ZSWIM3: variants seen among roughly 807,000 people sequenced by gnomAD.
ZSWIM3 encodes zinc finger SWIM-type containing 3.
Under a neutral mutation model 47.5 loss-of-function variants are expected in ZSWIM3, and 27 were observed. The ratio of observed to expected loss-of-function variants is 0.57; its 90% CI spans 0.42 to 0.78. The LOEUF (loss-of-function observed/expected upper bound fraction) is 0.78. ZSWIM3 is among the 30% of genes least tolerant of loss of function. The pLI, the probability that ZSWIM3 is intolerant of heterozygous loss-of-function variation, is 0.00. For synonymous variants in ZSWIM3, 333 were observed against 333.9 expected (o/e 1.00, Z 0.03); for missense variants, 689 against 861.3 (o/e 0.80, Z 2.50).
In ZSWIM3 at chr20:45,877,288, C is replaced by T. The variant is rs1289668611; in HGVS notation, c.730C>T (p.Arg244Ter). 4 of 1,614,002 alleles carry T rather than the reference C, an allele frequency of 2.5e-6. No homozygotes were observed. Among genetic ancestry groups the T allele is most frequent in the African/African-American group, 1.3e-5 (1 of 74,906 alleles). ...TGCTTTCTTGGTGGAGAACAAGGAACGAGAAAGTCGAGTGGTGCACTTTGC... is the reference window on the plus strand; with the variant it reads ...TGCTTTCTTGGTGGAGAACAAGGAATGAGAAAGTCGAGTGGTGCACTTTGC... The part of the protein sequence containing the change: ...LYAFLVENKE[R>*]ESRVVHFAVL... The change falls in exon 2 of 2, where the codon CGA becomes TGA. Residue 244 changes from arginine to a stop codon, truncating the protein, a stop_gained. Coordinates refer to ENST00000255152, the MANE Select transcript of ZSWIM3 (RefSeq NM_080752.4). LOFTEE classifies it high-confidence loss of function.
intron 1 of ZSWIM3, among the ~76,000 whole-genome samples, chr20:45,873,927 T>C (rs757148956): frequency 3.3e-5 from 5 of 152,090 alleles, no homozygotes; most frequent in South Asian, 2.1e-4. Flanking sequence ...TTGAAACTGG[T>C]TGAATAGAGA....
chr20:45,857,944 A>T lies in ZSWIM3; in HGVS notation c.119A>T (p.Asn40Ile), dbSNP rs753596864. The change falls in exon 1 of 2, where the codon AAC (asparagine) becomes ATC (isoleucine). Residue 40 changes from asparagine to isoleucine, a missense_variant. Physicochemically the swap from Asn to Ile is moderately radical, Grantham distance 149. Transcript: ENST00000255152. ...GACTGCGTCTCCGTCCGCTTCCACA[A>T]CCTCAACCATGGCACCTCCATCCGC... is the stretch of plus-strand genomic sequence containing the variant. ...LRDCVSVRFH[N>I]LNHGTSIRED... 9.6e-6 allele frequency: 13 copies of T among 1,347,478 alleles called. No homozygotes were observed. Among genetic ancestry groups the T allele is most frequent in the African/African-American group, 1.8e-5 (1 of 56,968 alleles). The allele number at this position is 1,347,478 out of a possible 1,614,324, so 83.5% of individuals were successfully genotyped here.
Position 45,878,559 on chromosome 20 carries a change from C to T in ZSWIM3, c.2001C>T (p.Asp667=), listed in dbSNP as rs375272202. ...QPSELFQQPG[D]FKDVGRLPFL... is the part of the protein sequence containing the mutation. ...CTGAGCTCTTTCAGCAGCCAGGAGA[C>T]TTTAAGGACGTGGGCCGCCTCCCTT... The change falls in exon 2 of 2, where the codon GAC becomes GAT. Residue 667 remains aspartate, a synonymous_variant. Transcript: ENST00000255152. The T allele has an allele frequency of 1.2e-6, 2 of 1,614,072 alleles. No individual in the cohort carries two copies. The highest frequency in any genetic ancestry group is 2.7e-5 in the African/African-American group (2 of 74,936).
At chr20:45,871,232 C>A (rs1476462720) in intron 1 of ZSWIM3, among the ~76,000 whole-genome samples, 1 of 152,180 alleles carries the variant, frequency 6.6e-6, no homozygotes, top group Non-Finnish European at 1.5e-5. Context: ...TTTATACTTT[C>A]CTGAATCTCC....
At chr20:45,863,397 A>C (rs1985758373) in intron 1 of ZSWIM3, among the ~76,000 whole-genome samples, 1 of 152,180 alleles carries the variant, frequency 6.6e-6, no homozygotes, top group Admixed American at 6.5e-5. Context: ...GGTGATGGTG[A>C]CACTTATTCT....
chr20:45,870,322 AG>A (rs1568747398), intron 1 of ZSWIM3, among the ~76,000 whole-genome samples: 4 of 147,896 alleles, frequency 2.7e-5, no homozygotes, highest in Non-Finnish European at 6.0e-5. Flanking sequence ...CCTGGGTGAC[AG>A]AGGGAGACTC....
At position 45,878,897 on chromosome 20, in the gene ZSWIM3, G is replaced by A. The variant is rs4812973; in HGVS notation, c.*248G>A. The stretch of plus-strand genomic sequence containing the variant: ...TGTTCAAGGCCAAAGTTATCTCCGT[G>A]CTGCAAGGTCACCCTCTTCCTCCCC... On this transcript the variant is annotated 3_prime_UTR_variant, in exon 2 of 2. Transcript: ENST00000255152. 25,374 of 465,588 alleles carry A rather than the reference G, an allele frequency of 0.054. 929 individuals are homozygous for A. Among genetic ancestry groups the A allele is most frequent in the South Asian group, 0.12 (3,918 of 31,426 alleles). The allele number at this position is 465,588 out of a possible 1,614,324, so 28.8% of individuals were successfully genotyped here. A position where few individuals can be genotyped will look rare whatever the true frequency, so the allele number is the denominator to read the frequency against.
intron 1 of ZSWIM3, among the ~76,000 whole-genome samples, chr20:45,864,601 G>A (rs1004344631): frequency 1.3e-5 from 2 of 152,196 alleles, no homozygotes; most frequent in Non-Finnish European, 2.9e-5. Flanking sequence ...TGTTGCTCAC[G>A]CCTATAATCC....
chr20:45,866,652 A>G (rs77124723), intron 1 of ZSWIM3, among the ~76,000 whole-genome samples: 2,122 of 152,130 alleles, frequency 0.014, 37 homozygotes, highest in African/African-American at 0.048. Context: ...CAAAAAATAA[A>G]TTAACTGGTC....
intron 1 of ZSWIM3, among the ~76,000 whole-genome samples, chr20:45,862,200 T>C (rs1271011312): frequency 6.7e-6 from 1 of 149,472 alleles, no homozygotes; most frequent in Non-Finnish European, 1.5e-5. Context: ...CAGGCTGGAG[T>C]GCAGTGGCGC....
intron 1 of ZSWIM3, among the ~76,000 whole-genome samples, chr20:45,862,842 C>T (rs965572585): frequency 6.6e-6 from 1 of 152,092 alleles, no homozygotes; most frequent in African/African-American, 2.4e-5. Context: ...CACTATGTTG[C>T]CCAAACTGAT....
Position 45,878,456 on chromosome 20 carries a change from C to A in ZSWIM3, c.1898C>A (p.Thr633Asn). Reference protein sequence around the residue: ...SRELANLLMQTEGPELEERYS... With the variant: ...SRELANLLMQNEGPELEERYS... Reference sequence around the variant, plus strand: ...GAGTTAGCAAACCTGCTCATGCAGACCGAGGGGCCAGAGCTGGAGGAACGC... The same window carrying A: ...GAGTTAGCAAACCTGCTCATGCAGAACGAGGGGCCAGAGCTGGAGGAACGC... The change falls in exon 2 of 2, where the codon ACC becomes AAC. Residue 633 changes from threonine to asparagine, a missense_variant. Thr to Asn is a moderately conservative substitution (Grantham distance 65). Coordinates refer to ENST00000255152, the MANE Select transcript of ZSWIM3 (RefSeq NM_080752.4). 1 of 1,614,196 alleles carries A rather than the reference C, an allele frequency of 6.2e-7. No homozygotes were observed. Among genetic ancestry groups the A allele is most frequent in the Non-Finnish European group, 8.5e-7 (1 of 1,180,036 alleles).
intron 1 of ZSWIM3, among the ~76,000 whole-genome samples, chr20:45,861,755 A>AT (rs988327440): frequency 6.6e-6 from 1 of 151,312 alleles, no homozygotes; most frequent in Non-Finnish European, 1.5e-5. Flanking sequence ...TTTTTTTTCA[A>AT]TTTTTTGTGT....
At chr20:45,876,269 T>C (rs1286681770) in intron 1 of ZSWIM3, among the ~76,000 whole-genome samples, 2 of 151,998 alleles carry the variant, frequency 1.3e-5, no homozygotes, top group African/African-American at 4.8e-5. Flanking sequence ...GGTCTTCAAC[T>C]CCTGACCTCT....
At position 45,877,815 on chromosome 20, in the gene ZSWIM3, T is replaced by C; in HGVS notation, c.1257T>C (p.Phe419=). ...QQSLLDCILC[F]VDYIDFFNTK... ...CGCTGCTGGACTGCATCCTCTGCTTTGTGGATTACATAGACTTCTTTAATA... is the reference window on the plus strand; with the variant it reads ...CGCTGCTGGACTGCATCCTCTGCTTCGTGGATTACATAGACTTCTTTAATA... Residue 419 remains phenylalanine (F), a synonymous_variant, in exon 2 of 2, where the codon TTT becomes TTC. Coordinates refer to ENST00000255152, the MANE Select transcript of ZSWIM3 (RefSeq NM_080752.4). 1.2e-6 allele frequency: 2 copies of C among 1,614,214 alleles called. No individual in the cohort carries two copies. Among genetic ancestry groups the C allele is most frequent in the South Asian group, 2.2e-5 (2 of 91,080 alleles).
rs778495385 is a variant in ZSWIM3, at chr20:45,878,254, G to A, written c.1696G>A (p.Ala566Thr). ...WYHLPCRHIL[A>T]LLHTSQQPVG... ...CCACCTGCCATGCCGACACATTTTG[G>A]CTCTGCTGCACACCAGCCAGCAGCC... Residue 566 changes from alanine to threonine, a missense_variant, in exon 2 of 2, where the codon GCT becomes ACT. Physicochemically the swap from Ala to Thr is moderately conservative, Grantham distance 58. Transcript: ENST00000255152. The A allele has an allele frequency of 6.2e-7, 1 of 1,614,172 alleles. No individual in the cohort carries two copies. The highest frequency in any genetic ancestry group is 8.5e-7 in the Non-Finnish European group (1 of 1,180,036).
intron 1 of ZSWIM3, among the ~76,000 whole-genome samples, chr20:45,871,864 G>GA (rs11410450): frequency 0.56 from 73,479 of 131,758 alleles, 19,754 homozygotes; most frequent in Admixed American, 0.65. Flanking sequence ...CTGTCTCAAA[G>GA]AAAAAAAAAA....
intron 1 of ZSWIM3, among the ~76,000 whole-genome samples, chr20:45,870,009 A>C (rs1384544681): frequency 7.1e-6 from 1 of 141,480 alleles, no homozygotes; most frequent in Non-Finnish European, 1.5e-5. Flanking sequence ...TTGCCACTGC[A>C]CTCCAGACTG....
chr20:45,863,258 G>A (rs1047524122), intron 1 of ZSWIM3, among the ~76,000 whole-genome samples: 4 of 151,802 alleles, frequency 2.6e-5, no homozygotes, highest in Admixed American at 6.6e-5. Flanking sequence ...CTGGAGATAC[G>A]TTGTTGAAAA....
Sources: allele counts gnomAD v4.1 joint callset (sites outside exome capture counted in the v4.1 genomes callset), GRCh38; gene constraint gnomAD v4.1.1; transcripts MANE v1.5; gene names NCBI Gene and HGNC (gene_info 2026-07-23, HGNC 2026-07-21).